CILK1: variants seen among roughly 807,000 people sequenced by gnomAD.
CILK1 encodes the protein ciliogenesis associated kinase 1.
A neutral mutation model predicts 79.2 loss-of-function variants in CILK1; 47 were observed. That is an observed-to-expected ratio of 0.59 (90% CI 0.47 to 0.76). The LOEUF (loss-of-function observed/expected upper bound fraction) is 0.76, where lower values mean the gene tolerates loss of function less well. Among genes scored for constraint, CILK1 ranks in the 30% least tolerant of loss-of-function variants. The pLI is 0.00. For synonymous variants in CILK1, 266 were observed against 275.9 expected, an observed-to-expected ratio of 0.96 and a Z score of 0.36; for missense variants, 660 against 769.5, an observed-to-expected ratio of 0.86 and a Z score of 1.68.
At chr6:53,038,128 C>T in intron 2 of CILK1, 135 bp from the exon 3 acceptor site, 1 of 676,858 alleles carries the variant, frequency 1.5e-6, no homozygotes, top group East Asian at 2.7e-5. Context: ...CAGTATTATA[C>T]TATCCCAAAC....
In CILK1 at chr6:53,011,835, G is replaced by A. The variant is rs1377728856; in HGVS notation, c.1426C>T (p.Arg476Ter). The A allele has an allele frequency of 4.3e-6, 7 of 1,614,124 alleles. No individual in the cohort carries two copies. The highest frequency in any genetic ancestry group is 5.1e-6 in the Non-Finnish European group (6 of 1,180,004). ...SAPTQTSYQR[R>*]DTPTLRSAAK... The stretch of plus-strand genomic sequence containing the variant: ...GCAGATCTCAGGGTGGGCGTGTCTC[G>A]CCGCTGATATGACGTCTGGGTGGGG... The change falls in exon 11 of 14, where the codon CGA becomes TGA. Residue 476 changes from arginine (R) to a stop codon, truncating the protein, a stop_gained. Transcript: ENST00000676107. LOFTEE classifies it high-confidence loss of function.
chr6:53,006,693 A>T lies in CILK1; in HGVS notation c.1622-256T>A, dbSNP rs533806003. On this transcript the variant is annotated intron_variant, in intron 12 of 13. Transcript: ENST00000676107. ...GGTGGGTTGGTTGTGAAATTTTTTT[A>T]AAAAAGGGAAATATGACATTTGTTC... 2.0e-5 allele frequency among the ~76,000 whole-genome samples: 3 copies of T among 152,306 alleles called. No individual in the cohort carries two copies. The East Asian group carries it at 5.8e-4, about 29-fold the overall frequency.
chr6:53,039,845 G>A (rs928507007), intron 2 of CILK1, among the ~76,000 whole-genome samples: 3 of 152,192 alleles, frequency 2.0e-5, no homozygotes, highest in Non-Finnish European at 2.9e-5. Context: ...TGGTGGAGGT[G>A]GCAAATGGTA....
At chr6:53,030,998 C>G in intron 5 of CILK1, 67 bp downstream of exon 5, 2 of 1,115,686 alleles carry the variant, frequency 1.8e-6, no homozygotes, top group Middle Eastern at 3.9e-4. Flanking sequence ...ATTAATGTTT[C>G]CTACAACTTC....
chr6:53,016,383 A>C, intron 7 of CILK1, 133 bp from the exon 8 acceptor site: 1 of 785,754 alleles, frequency 1.3e-6, no homozygotes, highest in Non-Finnish European at 2.2e-6. Flanking sequence ...ACCCACATTC[A>C]CTACTGTGGC....
Position 53,005,086 on chromosome 6 carries a change from C to A in CILK1, c.*63G>T. On this transcript the variant is annotated 3_prime_UTR_variant, in exon 14 of 14. Transcript: ENST00000676107. The stretch of plus-strand genomic sequence containing the variant: ...TCTGCACATCTTGCAGGTAGAACAC[C>A]AGTCAGCTGAGGGAAAGTATCCTGC... 1 of 1,586,098 alleles carries A rather than the reference C, an allele frequency of 6.3e-7. No individual in the cohort carries two copies. The highest frequency in any genetic ancestry group is 8.6e-7 in the Non-Finnish European group (1 of 1,156,896).
At chr6:53,012,805 A>T (rs117269045) in intron 9 of CILK1, among the ~76,000 whole-genome samples, 3,077 of 152,330 alleles carry the variant, frequency 0.02, 335 homozygotes, top group Admixed American at 0.18. Flanking sequence ...CAGTCAGCAA[A>T]TACTAACTGA....
intron 1 of CILK1, among the ~76,000 whole-genome samples, chr6:53,045,660 A>G (rs766121567): frequency 4.6e-5 from 7 of 152,080 alleles, no homozygotes; most frequent in Non-Finnish European, 7.4e-5. Context: ...TGATTTTTTA[A>G]CTTACAATGG....
At chr6:53,030,588 T>C (rs16883379) in intron 5 of CILK1, among the ~76,000 whole-genome samples, 8,931 of 152,284 alleles carry the variant, frequency 0.059, 864 homozygotes, top group African/African-American at 0.2. Flanking sequence ...TTTGCCTTTG[T>C]CTCTTTTTTT....
chr6:53,008,150 TAAA>T (rs938492809), intron 12 of CILK1, among the ~76,000 whole-genome samples: 2 of 151,398 alleles, frequency 1.3e-5, no homozygotes, highest in African/African-American at 4.8e-5. Flanking sequence ...ATGGTCCACA[TAAA>T]TAATAAGTTA....
chr6:53,030,955 T>C (rs936389662), intron 5 of CILK1, 110 bp downstream of exon 5: 1 of 768,326 alleles, frequency 1.3e-6, no homozygotes, highest in East Asian at 2.6e-5. Context: ...CTCTCAACTC[T>C]TCAACCTTTT....
At chr6:53,056,119 T>C (rs1342740157) in intron 1 of CILK1, among the ~76,000 whole-genome samples, 1 of 152,228 alleles carries the variant, frequency 6.6e-6, no homozygotes, top group African/African-American at 2.4e-5. Context: ...CGTTACACAA[T>C]AATACTTTAC....
chr6:53,023,663 G>C (rs988621709), intron 5 of CILK1, among the ~76,000 whole-genome samples: 6 of 152,192 alleles, frequency 3.9e-5, no homozygotes, highest in African/African-American at 1.4e-4. Flanking sequence ...CACTGCCCTA[G>C]AGCAAAGGGA....
At chr6:53,016,589 C>T (rs1289273245) in intron 7 of CILK1, among the ~76,000 whole-genome samples, 1 of 152,184 alleles carries the variant, frequency 6.6e-6, no homozygotes. Context: ...TGAAAACTGC[C>T]AATGAGATAT....
chr6:53,023,198 G>C (rs1416042145), intron 5 of CILK1, among the ~76,000 whole-genome samples: 1 of 152,098 alleles, frequency 6.6e-6, no homozygotes, highest in African/African-American at 2.4e-5. Context: ...CTCCCAAAGT[G>C]CTGGGATTAC....
intron 5 of CILK1, among the ~76,000 whole-genome samples, chr6:53,024,738 G>T (rs1250167497): frequency 1.3e-5 from 2 of 152,004 alleles, no homozygotes; most frequent in African/African-American, 2.4e-5. Context: ...GGTGGCAGGG[G>T]GCGGTAGATG....
Position 53,057,807 on chromosome 6 carries a change from T to C in CILK1, c.-173+3789A>G, listed in dbSNP as rs150135580. 14 of 152,148 alleles carry C rather than the reference T, an allele frequency of 9.2e-5. No homozygotes were observed. In the East Asian group the frequency reaches 1.2e-3, roughly 13 times the overall value. The allele number at this position is 152,148 out of a possible 1,614,324, so 9.4% of individuals were successfully genotyped here. On this transcript the variant is annotated intron_variant, in intron 1 of 13. Coordinates refer to ENST00000676107, the MANE Select transcript of CILK1 (RefSeq NM_014920.5). The stretch of plus-strand genomic sequence containing the variant: ...AACAGAATACTTGCTATCTTCAGAG[T>C]AGAATATTTTGAAATGTGTGAGTAT...
intron 5 of CILK1, among the ~76,000 whole-genome samples, chr6:53,025,573 T>C (rs1243784858): frequency 6.6e-6 from 1 of 152,208 alleles, no homozygotes; most frequent in Non-Finnish European, 1.5e-5. Context: ...GGAAGGAAGA[T>C]TCCGATTCCC....
At chr6:53,050,653 C>T (rs190581475) in intron 1 of CILK1, among the ~76,000 whole-genome samples, 55 of 151,938 alleles carry the variant, frequency 3.6e-4, no homozygotes, top group African/African-American at 1.3e-3. Context: ...GGGCAAAACC[C>T]CATCTCTACA....
Sources: gnomAD v4.1 joint callset for allele counts (sites outside exome capture counted in the v4.1 genomes callset) on GRCh38, gnomAD v4.1.1 for gene constraint, MANE v1.5 for transcripts, NCBI Gene and HGNC (gene_info 2026-07-23, HGNC 2026-07-21) for gene names.